The following AUTS2 variants were observed in gnomAD, a reference collection of about 807,000 sequenced individuals.
AUTS2 encodes autism susceptibility gene 2 protein.
In AUTS2, 17 loss-of-function variants were observed where a neutral mutation model predicts 112.4. The ratio of observed to expected loss-of-function variants is 0.15; its 90% CI spans 0.10 to 0.23. AUTS2 has a LOEUF of 0.23. Ranked by LOEUF, AUTS2 falls within the 10% of genes least tolerant of loss-of-function variation. The pLI is 1.00. For synonymous variants in AUTS2, 751 were observed against 702.7 expected, an observed-to-expected ratio of 1.07 and a Z score of -1.09; for missense variants, 1,510 against 1,701.6, an observed-to-expected ratio of 0.89 and a Z score of 1.98.
intron 1 of AUTS2, among the ~76,000 whole-genome samples, chr7:69,778,833 A>T (rs988554436): frequency 1.3e-5 from 2 of 151,972 alleles, no homozygotes; most frequent in African/African-American, 4.8e-5. Flanking sequence ...GCATTCACTG[A>T]CCACATTCTC....
intron 1 of AUTS2, among the ~76,000 whole-genome samples, chr7:69,640,519 A>T (rs1009533178): frequency 2.0e-5 from 3 of 152,208 alleles, no homozygotes. Flanking sequence ...ACTTGAATAC[A>T]TTTCCCAGAA....
chr7:69,671,051 G>A (rs763283901), intron 1 of AUTS2, among the ~76,000 whole-genome samples: 7 of 152,210 alleles, frequency 4.6e-5, no homozygotes, highest in Non-Finnish European at 2.9e-5. Flanking sequence ...GAAGAATGGA[G>A]GCTGTAAGTT....
intron 1 of AUTS2, among the ~76,000 whole-genome samples, chr7:69,650,373 C>G (rs1795235825): frequency 6.6e-6 from 1 of 152,144 alleles, no homozygotes; most frequent in Admixed American, 6.5e-5. Flanking sequence ...ATCAGAATTG[C>G]CAGGAGCCTG....
chr7:70,630,591 C>G (rs1412303554), intron 5 of AUTS2, among the ~76,000 whole-genome samples: 1 of 151,978 alleles, frequency 6.6e-6, no homozygotes, highest in Non-Finnish European at 1.5e-5. Context: ...TGTTTGCTGA[C>G]CAGAAAAATC....
chr7:70,116,092 T>A (rs1051385261), intron 2 of AUTS2, among the ~76,000 whole-genome samples: 30 of 152,334 alleles, frequency 2.0e-4, no homozygotes, highest in African/African-American at 7.2e-4. Flanking sequence ...GAGCTTTTAT[T>A]CCATAGTAAT....
At chr7:70,570,626 A>C (rs71549363) in intron 5 of AUTS2, among the ~76,000 whole-genome samples, 6,179 of 151,852 alleles carry the variant, frequency 0.041, 171 homozygotes, top group Non-Finnish European at 0.059. Flanking sequence ...CATGACAGCC[A>C]CCTTCCCCTT....
chr7:70,275,411 G>A (rs567160243), intron 4 of AUTS2, among the ~76,000 whole-genome samples: 1 of 152,286 alleles, frequency 6.6e-6, no homozygotes, highest in Admixed American at 6.5e-5. Flanking sequence ...GGGATAGGGA[G>A]TTACCCATTC....
chr7:70,766,382 T>C lies in AUTS2; in HGVS notation c.1689+48T>C, dbSNP rs1184014162. The C allele has an allele frequency of 6.2e-7, 1 of 1,602,234 alleles. No individual in the cohort carries two copies. The highest frequency in any genetic ancestry group is 1.1e-5 in the South Asian group (1 of 90,408). ...TGAGGATAAGTAGAGCACGACTCTT[T>C]TCTTTATGCAGCACGTGGGACCGGG... On this transcript the variant is annotated intron_variant, in intron 9 of 18. Transcript: ENST00000342771. The surrounding 1 kb of genome is among the most constrained non-coding windows in gnomAD (Gnocchi z 4.8).
At position 70,790,673 on chromosome 7, in the gene AUTS2, G is replaced by A; in HGVS notation, c.3457G>A (p.Glu1153Lys). Residue 1153 changes from glutamate (E) to lysine (K), a missense_variant, in exon 19 of 19, where the codon GAG (glutamate) becomes AAG (lysine). Glu to Lys is a moderately conservative substitution (Grantham distance 56). Coordinates refer to ENST00000342771, the MANE Select transcript of AUTS2 (RefSeq NM_015570.4). The surrounding 1 kb of genome is among the most constrained non-coding windows in gnomAD (Gnocchi z 7.6). The stretch of plus-strand genomic sequence containing the variant: ...GCGGGGAGGCCACCTGGACGAGCGG[G>A]AGCGCTTGCACATGCTCAGAGAAGA... The part of the protein sequence containing the change: ...HERGGHLDER[E>K]RLHMLREDYE... 1.2e-6 allele frequency: 2 copies of A among 1,613,554 alleles called. No homozygotes were observed. Among genetic ancestry groups the A allele is most frequent in the Non-Finnish European group, 1.7e-6 (2 of 1,179,918 alleles).
At chr7:70,521,188 C>T (rs914201533) in intron 5 of AUTS2, among the ~76,000 whole-genome samples, 2 of 152,180 alleles carry the variant, frequency 1.3e-5, no homozygotes, top group Non-Finnish European at 2.9e-5. Flanking sequence ...TGTGTGTACT[C>T]TTCATTTCTG....
Position 70,784,765 on chromosome 7 carries a change from AAAAAAAAAC to A in AUTS2, c.2147-175_2147-167del, listed in dbSNP as rs1233862706. ...CCTAAAAAAAAAAAAAAAAAAAAAA[AAAAAAAAAC>A]ACACATTTTCTTTTACCCTGTGTCT... is the stretch of plus-strand genomic sequence containing the variant. On this transcript the variant is annotated intron_variant, in intron 15 of 18. Transcript: ENST00000342771. 6.4e-3 allele frequency: 2,105 copies of A among 329,434 alleles called. 4 individuals carry two copies. Among genetic ancestry groups the A allele is most frequent in the East Asian group, 0.016 (254 of 16,010 alleles). The allele number at this position is 329,434 out of a possible 1,614,324, so 20.4% of individuals were successfully genotyped here.
At chr7:69,759,945 G>A (rs537489009) in intron 1 of AUTS2, among the ~76,000 whole-genome samples, 10 of 151,618 alleles carry the variant, frequency 6.6e-5, no homozygotes, top group African/African-American at 2.4e-4. Flanking sequence ...ATTTATGCTT[G>A]CATTCTTGCA....
chr7:69,777,412 A>G (rs1788943026), intron 1 of AUTS2, among the ~76,000 whole-genome samples: 1 of 152,174 alleles, frequency 6.6e-6, no homozygotes, highest in Non-Finnish European at 1.5e-5. Context: ...TTCAGAGAAA[A>G]TTCTTTGGTT....
intron 1 of AUTS2, among the ~76,000 whole-genome samples, chr7:69,623,794 A>G (rs1379025564): frequency 6.6e-6 from 1 of 152,134 alleles, no homozygotes; most frequent in African/African-American, 2.4e-5. Flanking sequence ...TCAATGAATG[A>G]TCCAATGAAT....
intron 2 of AUTS2, among the ~76,000 whole-genome samples, chr7:70,023,027 T>C (rs1278632174): frequency 6.6e-6 from 1 of 152,112 alleles, no homozygotes; most frequent in Admixed American, 6.5e-5. Flanking sequence ...AAATTTTTTG[T>C]AGAGACGGGG....
At chr7:69,848,217 A>G (rs779736025) in intron 1 of AUTS2, among the ~76,000 whole-genome samples, 3 of 152,202 alleles carry the variant, frequency 2.0e-5, no homozygotes, top group African/African-American at 4.8e-5. Context: ...TACTTCTAAC[A>G]GAAGGAAAGA....
At chr7:70,162,851 A>G (rs974275766) in intron 4 of AUTS2, among the ~76,000 whole-genome samples, 1 of 152,174 alleles carries the variant, frequency 6.6e-6, no homozygotes, top group African/African-American at 2.4e-5. Context: ...AATGCTCTCT[A>G]TATGCTCTTT....
intron 2 of AUTS2, among the ~76,000 whole-genome samples, chr7:70,094,964 A>G (rs1170063428): frequency 1.3e-5 from 2 of 152,154 alleles, no homozygotes; most frequent in Non-Finnish European, 2.9e-5. Context: ...GGCTTTTGGA[A>G]GTGGGTGCAA....
intron 1 of AUTS2, among the ~76,000 whole-genome samples, chr7:69,661,424 T>C (rs566815024): frequency 2.1e-4 from 32 of 152,220 alleles, no homozygotes; most frequent in Non-Finnish European, 4.0e-4. Context: ...GCAAAATTAC[T>C]GTAGTTTCCA....
Sources: gnomAD v4.1 joint callset for allele counts (sites outside exome capture counted in the v4.1 genomes callset) on GRCh38, gnomAD v4.1.1 for gene constraint, Gnocchi (gnomAD v3.1) non-coding constraint, MANE v1.5 for transcripts, NCBI Gene and HGNC (gene_info 2026-07-23, HGNC 2026-07-21) for gene names.